Variants in PKIA observed in about 807,000 individuals in gnomAD.
PKIA encodes the protein PKI-alpha.
PKIA carries 4 observed loss-of-function variants against 7.6 expected under a neutral mutation model. The ratio of observed to expected loss-of-function variants is 0.52; its 90% CI spans 0.26 to 1.20. PKIA has a LOEUF of 1.20. Ranked by LOEUF, PKIA falls within the 50% of genes most tolerant of loss-of-function variation. The pLI, the probability that PKIA is intolerant of heterozygous loss-of-function variation, is 0.13. For synonymous variants in PKIA, 21 were observed against 30.7 expected (o/e 0.68, Z 1.04); for missense variants, 73 against 86.2 (o/e 0.85, Z 0.61).
intron 2 of PKIA, among the ~76,000 whole-genome samples, chr8:78,588,016 G>T (rs1450939092): frequency 6.6e-6 from 1 of 152,126 alleles, no homozygotes; most frequent in African/African-American, 2.4e-5. Flanking sequence ...ACAAAACTCT[G>T]TGCCATACAT....
chr8:78,600,836 T>C (rs1808334218), intron 3 of PKIA, among the ~76,000 whole-genome samples: 1 of 152,088 alleles, frequency 6.6e-6, no homozygotes, highest in Non-Finnish European at 1.5e-5. Context: ...AACTGCCTTA[T>C]AACATTATGG....
chr8:78,549,397 GT>G (rs897569910), intron 1 of PKIA, among the ~76,000 whole-genome samples: 1 of 151,622 alleles, frequency 6.6e-6, no homozygotes, highest in Non-Finnish European at 1.5e-5. Context: ...CAAGATGAAC[GT>G]TTTTTTAACT....
intron 2 of PKIA, among the ~76,000 whole-genome samples, chr8:78,590,116 T>C (rs780243890): frequency 1.3e-5 from 2 of 152,096 alleles, no homozygotes; most frequent in Non-Finnish European, 2.9e-5. Flanking sequence ...AGAAAACCTA[T>C]TATCTGCCCC....
rs1444258016 is a variant in PKIA at position 78,605,100 on chromosome 8, T to C, written c.*3279T>C. 1 of 151,866 alleles carries C rather than the reference T, an allele frequency of 6.6e-6. No homozygotes were observed. Among genetic ancestry groups the C allele is most frequent in the Non-Finnish European group, 1.5e-5 (1 of 67,924 alleles). 9.4% of individuals were successfully genotyped at this position (151,866 alleles called of 1,614,324 possible). On this transcript the variant is annotated 3_prime_UTR_variant, in exon 4 of 4. Coordinates refer to ENST00000396418, the MANE Select transcript of PKIA (RefSeq NM_006823.4). Reference sequence around the variant, plus strand: ...AAAATGTGTAGTCATCAAGTGAAAATAGGAAAGGATCTATGATTTATGATG... The same window carrying C: ...AAAATGTGTAGTCATCAAGTGAAAACAGGAAAGGATCTATGATTTATGATG...
intron 1 of PKIA, among the ~76,000 whole-genome samples, chr8:78,551,696 G>A (rs1355176721): frequency 6.6e-6 from 1 of 151,956 alleles, no homozygotes; most frequent in African/African-American, 2.4e-5. Context: ...AACATCTGAA[G>A]GGAGTGTCAA....
intron 3 of PKIA, among the ~76,000 whole-genome samples, chr8:78,600,673 A>G (rs1243123165): frequency 6.6e-6 from 1 of 152,162 alleles, no homozygotes; most frequent in Non-Finnish European, 1.5e-5. Context: ...AAAATAGTGC[A>G]TGAAAATTAT....
At chr8:78,581,014 G>A (rs1807794445) in intron 2 of PKIA, among the ~76,000 whole-genome samples, 1 of 151,946 alleles carries the variant, frequency 6.6e-6, no homozygotes, top group Admixed American at 6.6e-5. Flanking sequence ...TATTGCAAAG[G>A]CCTGGGACAG....
intron 1 of PKIA, among the ~76,000 whole-genome samples, chr8:78,557,771 A>G (rs1373535111): frequency 6.6e-6 from 1 of 152,192 alleles, no homozygotes; most frequent in Non-Finnish European, 1.5e-5. Context: ...AGGAACTTCA[A>G]TTCCAGTTAA....
intron 1 of PKIA, among the ~76,000 whole-genome samples, chr8:78,518,105 A>G (rs1809349450): frequency 6.6e-6 from 1 of 152,220 alleles, no homozygotes; most frequent in African/African-American, 2.4e-5. Flanking sequence ...CCTTTCTATT[A>G]CAAATTTCGT....
chr8:78,559,880 T>C (rs1807241020), intron 1 of PKIA, among the ~76,000 whole-genome samples: 1 of 152,238 alleles, frequency 6.6e-6, no homozygotes, highest in Admixed American at 6.5e-5. Flanking sequence ...AGATTTTTGG[T>C]GATATCCTAG....
intron 2 of PKIA, among the ~76,000 whole-genome samples, chr8:78,578,166 T>TA (rs1807720803): frequency 6.6e-6 from 1 of 152,034 alleles, no homozygotes; most frequent in Non-Finnish European, 1.5e-5. Flanking sequence ...TCTTCACCCA[T>TA]AAAAATGAAC....
chr8:78,589,718 G>A (rs1195561630), intron 2 of PKIA, among the ~76,000 whole-genome samples: 43 of 151,846 alleles, frequency 2.8e-4, no homozygotes, highest in Non-Finnish European at 1.0e-4. Context: ...TTAGTTCCAG[G>A]TTTACCTAAG....
chr8:78,549,095 C>T (rs1325969397), intron 1 of PKIA, among the ~76,000 whole-genome samples: 1 of 151,972 alleles, frequency 6.6e-6, no homozygotes, highest in African/African-American at 2.4e-5. Flanking sequence ...AGTCTGTTTC[C>T]AAACAAGAAA....
At chr8:78,575,548 T>G (rs1807653372) in intron 2 of PKIA, among the ~76,000 whole-genome samples, 1 of 152,032 alleles carries the variant, frequency 6.6e-6, no homozygotes, top group African/African-American at 2.4e-5. Flanking sequence ...TGAGTTGTTT[T>G]GGATCTATTC....
At chr8:78,529,859 A>G (rs79457108) in intron 1 of PKIA, among the ~76,000 whole-genome samples, 6,949 of 150,564 alleles carry the variant, frequency 0.046, 230 homozygotes, top group South Asian at 0.075. Context: ...ATCAATGGTT[A>G]AATCAAGAAG....
intron 1 of PKIA, among the ~76,000 whole-genome samples, chr8:78,551,297 G>C (rs900590820): frequency 3.9e-5 from 6 of 152,006 alleles, no homozygotes; most frequent in African/African-American, 1.4e-4. Context: ...CATACCCAGT[G>C]AAGATAGGAA....
chr8:78,557,166 A>G (rs1163569445), intron 1 of PKIA, among the ~76,000 whole-genome samples: 1 of 152,196 alleles, frequency 6.6e-6, no homozygotes, highest in Non-Finnish European at 1.5e-5. Flanking sequence ...TGTGACGCCA[A>G]TTAATATAAT....
At chr8:78,593,290 T>C (rs1260061645) in intron 2 of PKIA, among the ~76,000 whole-genome samples, 1 of 152,088 alleles carries the variant, frequency 6.6e-6, no homozygotes, top group Non-Finnish European at 1.5e-5. Flanking sequence ...GCCCAGCTAA[T>C]TTTTGTATTT....
At chr8:78,535,822 C>G (rs1585874689) in intron 1 of PKIA, 1 of 152,006 alleles carries the variant, frequency 6.6e-6, no homozygotes, top group Admixed American at 6.6e-5. Context: ...TTAGGAATTA[C>G]AAGTAATTTA....
Sources: allele counts gnomAD v4.1 joint callset (sites outside exome capture counted in the v4.1 genomes callset), GRCh38; gene constraint gnomAD v4.1.1; transcripts MANE v1.5; gene names NCBI Gene and HGNC (gene_info 2026-07-23, HGNC 2026-07-21).